The following ARFGEF3 variants were observed in gnomAD, a reference collection of about 807,000 sequenced individuals.
ARFGEF3 encodes the protein brefeldin A-inhibited guanine nucleotide-exchange protein 3.
ARFGEF3 carries 96 observed loss-of-function variants against 221.7 expected under a neutral mutation model. The ratio of observed to expected loss-of-function variants is 0.43; its 90% CI spans 0.37 to 0.51. The LOEUF (loss-of-function observed/expected upper bound fraction) is 0.51. Among genes scored for constraint, ARFGEF3 ranks in the 20% least tolerant of loss-of-function variants. The pLI, the probability that ARFGEF3 is intolerant of heterozygous loss-of-function variation, is 0.00. For missense variants in ARFGEF3, 2,410 were observed against 2,789.9 expected, an observed-to-expected ratio of 0.86 and a Z score of 3.07; for synonymous variants, 1,145 against 1,126.8, an observed-to-expected ratio of 1.02 and a Z score of -0.32.
chr6:138,166,560 TG>T (rs1364672016), intron 1 of ARFGEF3, among the ~76,000 whole-genome samples: 1 of 152,232 alleles, frequency 6.6e-6, no homozygotes, highest in Admixed American at 6.5e-5. Flanking sequence ...TGGTTGTTTT[TG>T]TTAGTGAGGA....
At chr6:138,222,092 G>C (rs1338179079) in intron 4 of ARFGEF3, among the ~76,000 whole-genome samples, 4 of 152,170 alleles carry the variant, frequency 2.6e-5, no homozygotes, top group African/African-American at 9.7e-5. Context: ...GCTCATCCTA[G>C]TTCTTCTCTG....
intron 12 of ARFGEF3, among the ~76,000 whole-genome samples, chr6:138,277,698 G>C (rs1779123365): frequency 6.6e-6 from 1 of 152,192 alleles, no homozygotes; most frequent in Admixed American, 6.5e-5. Flanking sequence ...TGGGGATTCT[G>C]TAGTGAACAA....
intron 31 of ARFGEF3, among the ~76,000 whole-genome samples, chr6:138,327,081 A>G (rs1372127544): frequency 6.6e-6 from 1 of 152,162 alleles, no homozygotes; most frequent in Non-Finnish European, 1.5e-5. Context: ...GCAAAGAACA[A>G]CACACACTGG....
chr6:138,339,717 A>G lies in ARFGEF3; in HGVS notation c.*3231A>G, dbSNP rs539499439. 3 of 152,316 alleles carry G rather than the reference A, an allele frequency of 2.0e-5. No homozygotes were observed. The East Asian group carries it at 5.8e-4, about 29-fold the overall frequency. 9.4% of individuals were successfully genotyped at this position (152,316 alleles called of 1,614,324 possible). On this transcript the variant is annotated 3_prime_UTR_variant, in exon 34 of 34. Coordinates refer to ENST00000251691, the MANE Select transcript of ARFGEF3 (RefSeq NM_020340.5). ...CGGTTTTCACAATTGAACCTCATGC[A>G]CTGTCCACAGCATCTCACCTAGCTC... is the stretch of plus-strand genomic sequence containing the variant.
intron 14 of ARFGEF3, among the ~76,000 whole-genome samples, chr6:138,283,020 C>T (rs753688313): frequency 3.9e-5 from 6 of 151,926 alleles, no homozygotes; most frequent in South Asian, 4.2e-4. Context: ...CACTGCACTT[C>T]AGCCTGAGCA....
chr6:138,180,409 A>G (rs1477044858), intron 2 of ARFGEF3, among the ~76,000 whole-genome samples: 2 of 152,202 alleles, frequency 1.3e-5, no homozygotes, highest in African/African-American at 2.4e-5. Flanking sequence ...GGTACTTCAC[A>G]TTATTCTAGG....
intron 2 of ARFGEF3, among the ~76,000 whole-genome samples, chr6:138,196,868 T>C (rs1334589798): frequency 6.6e-6 from 1 of 152,196 alleles, no homozygotes; most frequent in Non-Finnish European, 1.5e-5. Context: ...AGTTTCGCTC[T>C]TGTGGCCCAG....
chr6:138,231,374 G>A (rs1371381630), intron 5 of ARFGEF3, among the ~76,000 whole-genome samples: 1 of 152,128 alleles, frequency 6.6e-6, no homozygotes, highest in Admixed American at 6.5e-5. Context: ...TTTGAGCTTG[G>A]TGGGAGAGAA....
intron 2 of ARFGEF3, among the ~76,000 whole-genome samples, chr6:138,189,306 A>G (rs1463744537): frequency 3.3e-5 from 5 of 152,238 alleles, no homozygotes; most frequent in Non-Finnish European, 7.3e-5. Flanking sequence ...AGCCTAGGAA[A>G]CATAAGTATT....
Position 138,209,926 on chromosome 6 carries a change from A to G in ARFGEF3, c.236A>G (p.Glu79Gly). 1.2e-6 allele frequency: 2 copies of G among 1,613,734 alleles called. No homozygotes were observed. Among genetic ancestry groups the G allele is most frequent in the Non-Finnish European group, 1.7e-6 (2 of 1,179,724 alleles). ...LAGMQKLLSE[E>G]RFVSMETDSD... ...TCTTTACAGAAGCTTCTGTCGGAAGAGAGGTTTGTATCCATGGAAACAGAT... is the reference window on the plus strand; with the variant it reads ...TCTTTACAGAAGCTTCTGTCGGAAGGGAGGTTTGTATCCATGGAAACAGAT... Residue 79 changes from glutamate to glycine, a missense_variant, in exon 4 of 34, where the codon GAG (glutamate) becomes GGG (glycine). Physicochemically the swap from Glu to Gly is moderately conservative, Grantham distance 98. Coordinates refer to ENST00000251691, the MANE Select transcript of ARFGEF3 (RefSeq NM_020340.5).
intron 2 of ARFGEF3, 39 bp from the exon 3 acceptor site, chr6:138,207,003 A>G (rs574865478): frequency 1.9e-6 from 3 of 1,541,720 alleles, no homozygotes; most frequent in East Asian, 2.3e-5. Context: ...TGCCAGCTTT[A>G]CTGAGCTCAC....
intron 6 of ARFGEF3, among the ~76,000 whole-genome samples, chr6:138,242,374 A>G (rs1778407689): frequency 1.3e-5 from 2 of 152,164 alleles, no homozygotes; most frequent in Non-Finnish European, 2.9e-5. Context: ...CTGCCCTCAT[A>G]GTTCTGGATG....
At chr6:138,202,904 C>G (rs111667188) in intron 2 of ARFGEF3, among the ~76,000 whole-genome samples, 2 of 148,684 alleles carry the variant, frequency 1.3e-5, no homozygotes, top group Non-Finnish European at 3.0e-5. Context: ...GCACACACAC[C>G]CACACACACA....
chr6:138,303,888 A>AAAAAAAAAAT (rs35383841), intron 22 of ARFGEF3, among the ~76,000 whole-genome samples: 1 of 147,202 alleles, frequency 6.8e-6, no homozygotes. Context: ...AAAAAAAAAA[A>AAAAAAAAAAT]GATAATAGCA....
chr6:138,176,684 TA>T (rs1423805452), intron 2 of ARFGEF3, among the ~76,000 whole-genome samples: 2 of 152,246 alleles, frequency 1.3e-5, no homozygotes, highest in East Asian at 3.8e-4. Context: ...TCTCTTCTCT[TA>T]ATCCTTTGAT....
At position 138,161,970 on chromosome 6, in the gene ARFGEF3, T is replaced by G. The variant is rs1300965950; in HGVS notation, c.-117T>G. 3.8e-5 allele frequency: 14 copies of G among 372,768 alleles called. No individual in the cohort carries two copies. Among genetic ancestry groups the G allele is most frequent in the East Asian group, 6.9e-5 (1 of 14,510 alleles). 23.1% of individuals were successfully genotyped at this position (372,768 alleles called of 1,614,324 possible). A position where few individuals can be genotyped will look rare whatever the true frequency, so the allele number is the denominator to read the frequency against. The stretch of plus-strand genomic sequence containing the variant: ...CATCAGCATCCGCGCCGGGGCGGCA[T>G]GGGGGCGCGCGCGGCGGCCGCCTAG... On this transcript the variant is annotated 5_prime_UTR_variant, in exon 1 of 34. The change abolishes an upstream ATG in the 5' untranslated region. Coordinates refer to ENST00000251691, the MANE Select transcript of ARFGEF3 (RefSeq NM_020340.5).
chr6:138,262,990 A>G lies in ARFGEF3; in HGVS notation c.1507A>G (p.Ile503Val). The change falls in exon 12 of 34, where the codon ATC becomes GTC. Residue 503 changes from isoleucine to valine, a missense_variant. Ile to Val is a conservative substitution (Grantham distance 29, BLOSUM62 3). This residue lies in a region of ARFGEF3 where 594 missense variants were observed against 734.3 expected (regional missense o/e 0.81). Coordinates refer to ENST00000251691, the MANE Select transcript of ARFGEF3 (RefSeq NM_020340.5). ...WESGNERSLD[I>V]SISVTTDTGQ... is the part of the protein sequence containing the mutation. The stretch of plus-strand genomic sequence containing the variant: ...GTCAGGGAACGAGAGGAGCCTTGAC[A>G]TCAGCATCAGTGTCACCACAGACAC... The G allele has an allele frequency of 1.9e-6, 3 of 1,600,480 alleles. No individual in the cohort carries two copies. Among genetic ancestry groups the G allele is most frequent in the Non-Finnish European group, 2.6e-6 (3 of 1,173,660 alleles).
intron 31 of ARFGEF3, 148 bp from the exon 32 acceptor site, chr6:138,327,873 T>C (rs549504953): frequency 2.7e-5 from 17 of 619,982 alleles, no homozygotes; most frequent in East Asian, 1.7e-4. Context: ...ACATATCAAT[T>C]AACTCTCTCA....
In ARFGEF3 at chr6:138,319,756, G is replaced by A. The variant is rs201467073; in HGVS notation, c.4528G>A (p.Val1510Ile). The A allele has an allele frequency of 9.1e-5, 147 of 1,613,160 alleles. No homozygotes were observed. Among genetic ancestry groups the A allele is most frequent in the South Asian group, 2.1e-4 (19 of 90,990 alleles). The change falls in exon 28 of 34, where the codon GTT becomes ATT. Residue 1510 changes from valine (V) to isoleucine (I), a missense_variant. Transcript: ENST00000251691. ...TCACCTCCTCCTTCCTGTGATGTCC[G>A]TTTGGCTCCGCCGGAGCCATAAAGA... ...VVHLLLPVMS[V>I]WLRRSHKDHS...
Sources: gnomAD v4.1 joint callset for allele counts (sites outside exome capture counted in the v4.1 genomes callset) on GRCh38, gnomAD v4.1.1 for gene constraint, gnomAD v4.1.1 regional missense constraint, MANE v1.5 for transcripts, NCBI Gene and HGNC (gene_info 2026-07-23, HGNC 2026-07-21) for gene names.